TEX53: variants seen among roughly 807,000 people sequenced by gnomAD.
The protein encoded by TEX53 is testis expressed 53, also known as testis-expressed protein 53.
chr9:114,657,595 C>T (rs939307950), intron 1 of TEX53, 71 bp downstream of exon 1: 7 of 398,336 alleles, frequency 1.8e-5, no homozygotes, highest in East Asian at 7.1e-5. Context: ...AGGAGGTGGC[C>T]GGGGAGGCCG....
chr9:114,656,786 T>G (rs1156407460), intron 1 of TEX53, among the ~76,000 whole-genome samples, 154 bp from the exon 2 acceptor site: 1 of 152,226 alleles, frequency 6.6e-6, no homozygotes, highest in African/African-American at 2.4e-5. Context: ...GATCTCGAGC[T>G]GGGTGAAGCA....
intron 1 of TEX53, 94 bp downstream of exon 1, chr9:114,657,568 TCTGA>T (rs1259259617): frequency 1.0e-5 from 4 of 397,488 alleles, no homozygotes; most frequent in Non-Finnish European, 1.8e-5. Flanking sequence ...CTGAAAGAAG[TCTGA>T]CTATGTCCCA....
chr9:114,657,256 C>G (rs1019134258), intron 1 of TEX53, among the ~76,000 whole-genome samples: 1 of 152,200 alleles, frequency 6.6e-6, no homozygotes, highest in African/African-American at 2.4e-5. Flanking sequence ...ACAGCCTGCA[C>G]AGTGGGCAAT....
intron 1 of TEX53, among the ~76,000 whole-genome samples, chr9:114,656,918 T>C (rs530224692): frequency 8.5e-5 from 13 of 152,092 alleles, no homozygotes; most frequent in African/African-American, 1.7e-4. Context: ...GCTCTGTCGC[T>C]CAGGCTGGAG....
Position 114,656,609 on chromosome 9 carries a change from T to A in TEX53, c.133A>T (p.Ser45Cys), listed in dbSNP as rs545489702. ...CGTGGATGTCTTTTTGGTACAGCAC[T>A]GTGGAGAGAATTTGTGTTCAGATCT... ...SFNLNTNSLHSAVPKRHPRLP... is the reference protein window; with the variant it reads ...SFNLNTNSLHCAVPKRHPRLP... The change falls in exon 2 of 2, where the codon AGT (serine) becomes TGT (cysteine). Residue 45 changes from serine (S) to cysteine (C), a missense_variant. Transcript: ENST00000423632. The A allele has an allele frequency of 5.5e-5, 22 of 398,618 alleles. No homozygotes were observed. Among genetic ancestry groups the A allele is most frequent in the African/African-American group, 3.9e-4 (19 of 48,758 alleles). 24.7% of individuals were successfully genotyped at this position (398,618 alleles called of 1,614,324 possible).
intron 1 of TEX53, among the ~76,000 whole-genome samples, chr9:114,656,859 C>A (rs1589372003): frequency 6.6e-6 from 1 of 152,180 alleles, no homozygotes; most frequent in South Asian, 2.1e-4. Flanking sequence ...TACACATCCA[C>A]AGATATCATT....
rs1827708545 is a variant in TEX53 at position 114,656,538 on chromosome 9, C to T, written c.204G>A (p.Arg68=). 2.5e-6 allele frequency: 1 copy of T among 398,572 alleles called. No individual in the cohort carries two copies. The highest frequency in any genetic ancestry group is 3.6e-5 in the East Asian group (1 of 28,054). The allele number at this position is 398,572 out of a possible 1,614,324, so 24.7% of individuals were successfully genotyped here. ...NRMMLKACIL[R]RP ...CCGCCGGCTAGAATGCTCATGGCCT[C>T]CTAAGGATGCACGCCTTGAGCATCA... Residue 68 remains arginine, a synonymous_variant, in exon 2 of 2, where the codon AGG becomes AGA. Transcript: ENST00000423632.
At chr9:114,657,014 C>T (rs1827713065) in intron 1 of TEX53, among the ~76,000 whole-genome samples, 1 of 152,100 alleles carries the variant, frequency 6.6e-6, no homozygotes, top group Admixed American at 6.5e-5. Flanking sequence ...GTAGCTGGGA[C>T]TACAGGCGCC....
Position 114,656,564 on chromosome 9 carries a change from T to C in TEX53, c.178A>G (p.Met60Val), listed in dbSNP as rs1207710249. Reference protein sequence around the residue: ...RHPRLPYDNRMMLKACILRRP With the variant: ...RHPRLPYDNRVMLKACILRRP ...CTAAGGATGCACGCCTTGAGCATCA[T>C]GCGGTTGTCATAGGGGAGGCGTGGA... is the stretch of plus-strand genomic sequence containing the variant. The change falls in exon 2 of 2, where the codon ATG becomes GTG. Residue 60 changes from methionine to valine, a missense_variant. By Grantham distance (21) the Met-to-Val change is conservative. Transcript: ENST00000423632. 5.0e-6 allele frequency: 2 copies of C among 398,482 alleles called. No individual in the cohort carries two copies. Among genetic ancestry groups the C allele is most frequent in the Admixed American group, 4.4e-5 (1 of 22,714 alleles). The allele number at this position is 398,482 out of a possible 1,614,324, so 24.7% of individuals were successfully genotyped here. A position where few individuals can be genotyped will look rare whatever the true frequency, so the allele number is the denominator to read the frequency against.
At chr9:114,657,487 T>C (rs1827726426) in intron 1 of TEX53, among the ~76,000 whole-genome samples, 179 bp downstream of exon 1, 1 of 152,208 alleles carries the variant, frequency 6.6e-6, no homozygotes, top group Non-Finnish European at 1.5e-5. Context: ...TAATCTCTAA[T>C]AACTGATAGA....
At chr9:114,656,705 T>G in intron 1 of TEX53, 73 bp from the exon 2 acceptor site, 5 of 389,662 alleles carry the variant, frequency 1.3e-5, no homozygotes, top group East Asian at 3.7e-5. Context: ...ATCTTGGCCA[T>G]ACTCCACTCA....
intron 1 of TEX53, 50 bp from the exon 2 acceptor site, chr9:114,656,682 G>T: frequency 2.5e-6 from 1 of 398,176 alleles, no homozygotes; most frequent in Non-Finnish European, 4.4e-6. Flanking sequence ...TTTGAGTGAT[G>T]CGCGTATAAC....
chr9:114,656,995 G>A (rs753261991), intron 1 of TEX53, among the ~76,000 whole-genome samples: 1 of 152,108 alleles, frequency 6.6e-6, no homozygotes, highest in Non-Finnish European at 1.5e-5. Context: ...TCCTGCCTCA[G>A]CCTCCTGAGT....
rs994229336 is a variant in TEX53 at position 114,656,336 on chromosome 9, T to TCC, written c.*191_*192dup. The TCC allele has an allele frequency of 4.4e-5, 17 of 383,728 alleles. No individual in the cohort carries two copies. The highest frequency in any genetic ancestry group is 7.3e-5 in the Non-Finnish European group (16 of 218,106). The allele number at this position is 383,728 out of a possible 1,614,324, so 23.8% of individuals were successfully genotyped here. On this transcript the variant is annotated 3_prime_UTR_variant, in exon 2 of 2. Transcript: ENST00000423632. Reference sequence around the variant, plus strand: ...ACCAAGGACTTTAATTGGAGGCGGCTCCCCCCCACGGTGGCTTTTTCAGAA... The same window carrying TCC: ...ACCAAGGACTTTAATTGGAGGCGGCTCCCCCCCCCACGGTGGCTTTTTCAGAA...
At position 114,657,675 on chromosome 9, in the gene TEX53, G is replaced by A. The variant is rs1301867510; in HGVS notation, c.100C>T (p.Arg34Trp). The A allele has an allele frequency of 2.5e-5, 10 of 398,530 alleles. No homozygotes were observed. Among genetic ancestry groups the A allele is most frequent in the East Asian group, 1.4e-4 (4 of 28,070 alleles). 24.7% of individuals were successfully genotyped at this position (398,530 alleles called of 1,614,324 possible). The change falls in exon 1 of 2, where the codon CGG becomes TGG. Residue 34 changes from arginine (R) to tryptophan (W), a missense_variant. Transcript: ENST00000423632. ...CACGTCTGGAACCTACTGAAGGACC[G>A]TGGATGATGCTGTTCGAACATTCTT... The part of the protein sequence containing the change: ...NPRMFEQHHP[R>W]SFNLNTNSLH...
rs1827707401 is a variant in TEX53 at position 114,656,466 on chromosome 9, C to A, written c.*63G>T. On this transcript the variant is annotated 3_prime_UTR_variant, in exon 2 of 2. Coordinates refer to ENST00000423632, the MANE Select transcript of TEX53 (RefSeq NM_001354645.2). Reference sequence around the variant, plus strand: ...CATGACTCTTGTCCACTGCCCTCTTCCTCATGGAAGCCCAGCAGCTGTGCA... The same window carrying A: ...CATGACTCTTGTCCACTGCCCTCTTACTCATGGAAGCCCAGCAGCTGTGCA... 1 of 398,004 alleles carries A rather than the reference C, an allele frequency of 2.5e-6. No individual in the cohort carries two copies. Among genetic ancestry groups the A allele is most frequent in the Non-Finnish European group, 4.4e-6 (1 of 225,786 alleles). 24.7% of individuals were successfully genotyped at this position (398,004 alleles called of 1,614,324 possible).
At chr9:114,657,591 T>C (rs1296579331) in intron 1 of TEX53, 75 bp downstream of exon 1, 3 of 398,240 alleles carry the variant, frequency 7.5e-6, no homozygotes, top group African/African-American at 2.1e-5. Context: ...CAGCAGGAGG[T>C]GGCCGGGGAG....
chr9:114,657,626 G>T, intron 1 of TEX53, 40 bp downstream of exon 1: 1 of 398,640 alleles, frequency 2.5e-6, no homozygotes, highest in Non-Finnish European at 4.4e-6. Context: ...AATCATTCAG[G>T]TGTTCCTGAC....
At chr9:114,657,169 C>T (rs1564312231) in intron 1 of TEX53, among the ~76,000 whole-genome samples, 1 of 152,224 alleles carries the variant, frequency 6.6e-6, no homozygotes, top group Non-Finnish European at 1.5e-5. Context: ...AGCCACCGTG[C>T]CCGGCCTTGT....
Sources: gnomAD v4.1 joint callset for allele counts (sites outside exome capture counted in the v4.1 genomes callset) on GRCh38, gnomAD v4.1.1 for gene constraint, MANE v1.5 for transcripts, NCBI Gene and HGNC (gene_info 2026-07-23, HGNC 2026-07-21) for gene names.